The following ST3GAL4 variants were observed in gnomAD, a reference collection of about 807,000 sequenced individuals.
ST3GAL4 encodes the protein ST3 beta-galactoside alpha-2,3-sialyltransferase 4, also known as CMP-N-acetylneuraminate-beta-galactosamide-alpha-2,3-sialyltransferase 4.
ST3GAL4 carries 24 observed loss-of-function variants against 42.6 expected under a neutral mutation model. That is an observed-to-expected ratio of 0.56 (90% CI 0.41 to 0.79). The LOEUF is 0.79. Ranked by LOEUF, ST3GAL4 falls within the 30% of genes least tolerant of loss-of-function variation. The pLI is 0.00. For missense variants in ST3GAL4, 311 were observed against 430.8 expected (o/e 0.72, Z 2.46); for synonymous variants, 135 against 163.2 (o/e 0.83, Z 1.32).
intron 1 of ST3GAL4, among the ~76,000 whole-genome samples, chr11:126,380,383 C>T (rs1952952175): frequency 6.6e-6 from 1 of 152,098 alleles, no homozygotes; most frequent in South Asian, 2.1e-4. Context: ...ACATCAAGAC[C>T]TTGCAGTATT....
At chr11:126,401,668 C>G (rs1046990497) in intron 1 of ST3GAL4, among the ~76,000 whole-genome samples, 4 of 151,996 alleles carry the variant, frequency 2.6e-5, no homozygotes, top group Admixed American at 2.0e-4. Context: ...GACCTAGAAG[C>G]CAAGGAGGAG....
chr11:126,392,440 G>A lies in ST3GAL4; in HGVS notation c.-60-13656G>A, dbSNP rs1953555209. 1.1e-6 allele frequency: 1 copy of A among 916,102 alleles called. No individual in the cohort carries two copies. Among genetic ancestry groups the A allele is most frequent in the Non-Finnish European group, 1.3e-6 (1 of 766,300 alleles). 56.7% of individuals were successfully genotyped at this position (916,102 alleles called of 1,614,324 possible). ...GCCTGGGGATAAAGCAGGTCCTTGT[G>A]AGCTCATCGACATGCATTTGGCAGA... is the stretch of plus-strand genomic sequence containing the variant. On this transcript the variant is annotated intron_variant, in intron 1 of 10. Transcript: ENST00000444328. The surrounding 1 kb of genome is among the most constrained non-coding windows in gnomAD (Gnocchi z 5.8).
At chr11:126,385,929 G>A (rs1591451547) in intron 1 of ST3GAL4, among the ~76,000 whole-genome samples, 1 of 152,024 alleles carries the variant, frequency 6.6e-6, no homozygotes, top group East Asian at 1.9e-4. Context: ...CTTAGAATCT[G>A]AGCTTTTAGG....
In ST3GAL4 at chr11:126,391,619, G is replaced by T. The variant is rs1953515794; in HGVS notation, c.-60-14477G>T. ...CTGCATTCAGTGCAGGGCAGAGCCT[G>T]GGTGGCAGTGCCTCTCCTTGCCTCC... On this transcript the variant is annotated intron_variant, in intron 1 of 10. Transcript: ENST00000444328. The surrounding 1 kb of genome is among the most constrained non-coding windows in gnomAD (Gnocchi z 5.5). Among the ~76,000 whole-genome samples the T allele has an allele frequency of 6.6e-6, 1 of 152,222 alleles. No homozygotes were observed. The highest frequency in any genetic ancestry group is 1.5e-5 in the Non-Finnish European group (1 of 68,044).
In ST3GAL4 at chr11:126,398,524, G is replaced by A. The variant is rs1421839209; in HGVS notation, c.-60-7572G>A. Among the ~76,000 whole-genome samples the A allele has an allele frequency of 6.6e-6, 1 of 152,174 alleles. No homozygotes were observed. The highest frequency in any genetic ancestry group is 1.5e-5 in the Non-Finnish European group (1 of 68,032). ...TCCCCCAGGTTGCTGTTGCACACTG[G>A]TAGCTCTGCAGTTCTGGGGTGTCAG... On this transcript the variant is annotated intron_variant, in intron 1 of 10. Transcript: ENST00000444328. The surrounding 1 kb of genome is among the most constrained non-coding windows in gnomAD (Gnocchi z 4.7).
At chr11:126,377,128 G>C (rs1952852108) in intron 1 of ST3GAL4, among the ~76,000 whole-genome samples, 1 of 152,082 alleles carries the variant, frequency 6.6e-6, no homozygotes, top group South Asian at 2.1e-4. Context: ...TGTTCTTTAA[G>C]GTATTTTAAG....
At chr11:126,389,638 G>A (rs1019476284) in intron 1 of ST3GAL4, among the ~76,000 whole-genome samples, 2 of 152,060 alleles carry the variant, frequency 1.3e-5, no homozygotes, top group African/African-American at 4.8e-5. Flanking sequence ...ATCATAGCTC[G>A]CTGCAACCTC....
intron 1 of ST3GAL4, among the ~76,000 whole-genome samples, chr11:126,367,577 C>T (rs954250902): frequency 1.8e-4 from 27 of 152,162 alleles, no homozygotes; most frequent in Admixed American, 1.4e-3. Context: ...GCTGAGGCTG[C>T]GGACGTTACA....
chr11:126,372,289 C>T (rs770048060), intron 1 of ST3GAL4, among the ~76,000 whole-genome samples: 1 of 152,146 alleles, frequency 6.6e-6, no homozygotes, highest in Non-Finnish European at 1.5e-5. Context: ...CTTTTGAGTA[C>T]CTCCTATAAG....
chr11:126,369,236 TTC>T (rs571045026), intron 1 of ST3GAL4, among the ~76,000 whole-genome samples: 1 of 150,840 alleles, frequency 6.6e-6, no homozygotes, highest in Non-Finnish European at 1.5e-5. Context: ...GCCTTTTTCT[TTC>T]TCTCTCTCTC....
At chr11:126,385,053 A>G (rs1458358199) in intron 1 of ST3GAL4, among the ~76,000 whole-genome samples, 1 of 151,892 alleles carries the variant, frequency 6.6e-6, no homozygotes, top group African/African-American at 2.4e-5. Flanking sequence ...ATGTTTTGAG[A>G]CTCAGGACAC....
rs1952430704 is a variant in ST3GAL4 at position 126,366,480 on chromosome 11, G to A, written c.-61+10638G>A. 6.6e-6 allele frequency among the ~76,000 whole-genome samples: 1 copy of A among 152,090 alleles called. No homozygotes were observed. The highest frequency in any genetic ancestry group is 2.1e-4 in the South Asian group (1 of 4,826). ...TGTTTGTGCTGGAGAAGCCTGTGTA[G>A]GTTACTGACATGGGGAGGGGTGGGG... is the stretch of plus-strand genomic sequence containing the variant. On this transcript the variant is annotated intron_variant, in intron 1 of 10. Transcript: ENST00000444328. This position sits in a 1 kb window ranked among gnomAD's most constrained non-coding sequence, Gnocchi z 4.2.
Position 126,355,962 on chromosome 11 carries a change from A to C in ST3GAL4, c.-61+120A>C, listed in dbSNP as rs957815977. 1 of 151,478 alleles carries C rather than the reference A, an allele frequency of 6.6e-6. No homozygotes were observed. Among genetic ancestry groups the C allele is most frequent in the Non-Finnish European group, 1.5e-5 (1 of 67,794 alleles). The allele number at this position is 151,478 out of a possible 1,614,324, so 9.4% of individuals were successfully genotyped here. A position where few individuals can be genotyped will look rare whatever the true frequency, so the allele number is the denominator to read the frequency against. ...CCTCCCGGAGGGGGTCGGGCCCTGC[A>C]CGTGGGCGCAGCGCGGGTCGGGGTG... On this transcript the variant is annotated intron_variant, in intron 1 of 10. Coordinates refer to ENST00000444328, the MANE Select transcript of ST3GAL4 (RefSeq NM_001254757.2). This position sits in a 1 kb window ranked among gnomAD's most constrained non-coding sequence, Gnocchi z 7.1.
rs1954214460 is a variant in ST3GAL4, at chr11:126,406,071, G to T, written c.-60-25G>T. 6.4e-7 allele frequency: 1 copy of T among 1,551,318 alleles called. No individual in the cohort carries two copies. Among genetic ancestry groups the T allele is most frequent in the Admixed American group, 2.0e-5 (1 of 50,986 alleles). ...GCAGGAGAGTTTGTGAAGCTGACCG[G>T]ACACCTGTGGCTCTTATTTCCTAGG... is the stretch of plus-strand genomic sequence containing the variant. On this transcript the variant is annotated intron_variant, in intron 1 of 10. Transcript: ENST00000444328. The surrounding 1 kb of genome is among the most constrained non-coding windows in gnomAD (Gnocchi z 5.4).
In ST3GAL4 at chr11:126,393,516, G is replaced by A. The variant is rs1953603900; in HGVS notation, c.-60-12580G>A. ...AGAGTGAGGTCTTTTTGACTTTGAT[G>A]TGCTTTGACTGCACATCAGAGTCAA... On this transcript the variant is annotated intron_variant, in intron 1 of 10. Transcript: ENST00000444328. This position sits in a 1 kb window ranked among gnomAD's most constrained non-coding sequence, Gnocchi z 5.9. Among the ~76,000 whole-genome samples, 1 of 152,218 alleles carries A rather than the reference G, an allele frequency of 6.6e-6. No individual in the cohort carries two copies. The highest frequency in any genetic ancestry group is 6.5e-5 in the Admixed American group (1 of 15,282).
intron 1 of ST3GAL4, among the ~76,000 whole-genome samples, chr11:126,385,058 G>C (rs1953171603): frequency 6.6e-6 from 1 of 152,158 alleles, no homozygotes; most frequent in Non-Finnish European, 1.5e-5. Context: ...TTGAGACTCA[G>C]GACACCTCTG....
chr11:126,381,922 C>T (rs1953020414), intron 1 of ST3GAL4, among the ~76,000 whole-genome samples: 1 of 151,460 alleles, frequency 6.6e-6, no homozygotes. Context: ...CTCAGGAGGG[C>T]AGAATAACTG....
chr11:126,384,475 C>G lies in ST3GAL4; in HGVS notation c.-60-21621C>G, dbSNP rs1055671391. On this transcript the variant is annotated intron_variant, in intron 1 of 10. Transcript: ENST00000444328. The surrounding 1 kb of genome is among the most constrained non-coding windows in gnomAD (Gnocchi z 5.5). ...GGATAGAGTGTGTCATCTGCAGAGG[C>G]AGCACTGTTCTGGAAGTGGACTCTG... Among the ~76,000 whole-genome samples, 7 of 152,050 alleles carry G rather than the reference C, an allele frequency of 4.6e-5. No homozygotes were observed. The highest frequency in any genetic ancestry group is 7.4e-5 in the Non-Finnish European group (5 of 68,014).
intron 1 of ST3GAL4, among the ~76,000 whole-genome samples, chr11:126,375,869 C>CAT (rs1952817674): frequency 8.2e-6 from 1 of 122,646 alleles, no homozygotes; most frequent in Non-Finnish European, 1.7e-5. Flanking sequence ...CCTTTTCTTC[C>CAT]TTTTTTTTTT....
Sources: allele counts gnomAD v4.1 joint callset (sites outside exome capture counted in the v4.1 genomes callset), GRCh38; gene constraint gnomAD v4.1.1; non-coding constraint Gnocchi (gnomAD v3.1); transcripts MANE v1.5; gene names NCBI Gene and HGNC (gene_info 2026-07-23, HGNC 2026-07-21).